The following MYO16 variants were observed in gnomAD, a reference collection of about 807,000 sequenced individuals.
MYO16 encodes the protein myosin XVI.
MYO16 carries 94 observed loss-of-function variants against 205.3 expected under a neutral mutation model. That is an observed-to-expected ratio of 0.46 (90% confidence interval 0.39 to 0.54). The LOEUF is 0.54. Ranked by LOEUF, MYO16 falls within the 20% of genes least tolerant of loss-of-function variation. The pLI, the probability that MYO16 is intolerant of heterozygous loss-of-function variation, is 0.00. For synonymous variants in MYO16, 988 were observed against 954.0 expected (o/e 1.04, Z -0.66); for missense variants, 2,315 against 2,387.5 (o/e 0.97, Z 0.63).
chr13:108,557,956 C>T, the MYO16 span, among the ~76,000 whole-genome samples: 383 of 152,138 alleles, frequency 2.5e-3, 2 homozygotes, highest in African/African-American at 8.3e-3. Flanking sequence ...TATATGTTAT[C>T]ACATAGTGAG....
intron 16 of MYO16, among the ~76,000 whole-genome samples, chr13:108,920,210 T>C (rs1188992029): frequency 1.3e-5 from 2 of 152,182 alleles, no homozygotes; most frequent in Non-Finnish European, 2.9e-5. Context: ...ATAAACCTGC[T>C]TCTGTGTCTG....
Position 109,127,484 on chromosome 13 carries a change from C to G in MYO16, c.3985C>G (p.Arg1329Gly), listed in dbSNP as rs747453615. 6.2e-7 allele frequency: 1 copy of G among 1,613,784 alleles called. No individual in the cohort carries two copies. The highest frequency in any genetic ancestry group is 2.2e-5 in the East Asian group (1 of 44,828). ...CAAGCCAAAGAGGGACCCCAACACC[C>G]GGCTGAGTGCTTCCTATGAGGCTGT... ...PPKPKRDPNT[R>G]LSASYEAVSA... The change falls in exon 31 of 35, where the codon CGG becomes GGG. Residue 1329 changes from arginine (R) to glycine (G), a missense_variant. This residue lies in a region of MYO16 where 1,097 missense variants were observed against 1,092.0 expected (regional missense o/e 1.00). Transcript: ENST00000457511. The surrounding 1 kb of genome is among the most constrained non-coding windows in gnomAD (Gnocchi z 4.2).
chr13:108,742,943 C>T (rs963784750), intron 4 of MYO16, among the ~76,000 whole-genome samples: 4 of 152,116 alleles, frequency 2.6e-5, no homozygotes, highest in African/African-American at 7.2e-5. Context: ...TTTTCTGATA[C>T]GATTTTAGAT....
intron 34 of MYO16, among the ~76,000 whole-genome samples, chr13:109,205,138 C>G (rs974061095): frequency 1.3e-5 from 2 of 152,160 alleles, no homozygotes; most frequent in Non-Finnish European, 2.9e-5. Context: ...ACTGAGTAAC[C>G]ATAGTCCTCT....
At chr13:108,616,149 T>G (rs1879342944) in intron 1 of MYO16, among the ~76,000 whole-genome samples, 1 of 152,236 alleles carries the variant, frequency 6.6e-6, no homozygotes, top group South Asian at 2.1e-4. Flanking sequence ...CTTCATTATC[T>G]TATCCAAGTC....
chr13:108,627,237 A>G (rs549815086), upstream of MYO16, among the ~76,000 whole-genome samples: 7 of 152,240 alleles, frequency 4.6e-5, no homozygotes, highest in African/African-American at 1.7e-4. Flanking sequence ...CAATGTTTAG[A>G]GCATGAGTAT....
chr13:108,685,410 G>C (rs2139480328), intron 2 of MYO16, among the ~76,000 whole-genome samples: 1 of 152,264 alleles, frequency 6.6e-6, no homozygotes, highest in South Asian at 2.1e-4. Context: ...AGTCTTGTGG[G>C]ACTGAGCCCT....
At chr13:109,009,887 A>G (rs542314015) in intron 22 of MYO16, among the ~76,000 whole-genome samples, 1 of 152,224 alleles carries the variant, frequency 6.6e-6, no homozygotes, top group South Asian at 2.1e-4. Context: ...AGTGACATAC[A>G]TAACCTATAA....
chr13:108,580,826 T>C, the MYO16 span, among the ~76,000 whole-genome samples: 1 of 152,188 alleles, frequency 6.6e-6, no homozygotes, highest in East Asian at 1.9e-4. Flanking sequence ...TAGAAGTCAG[T>C]TGAAAACTTC....
At chr13:108,916,936 C>CT (rs1483663842) in intron 16 of MYO16, among the ~76,000 whole-genome samples, 1 of 152,036 alleles carries the variant, frequency 6.6e-6, no homozygotes, top group Non-Finnish European at 1.5e-5. Context: ...ATTCCCAACT[C>CT]TAACACATTT....
At chr13:108,988,745 G>A (rs1247945603) in intron 20 of MYO16, among the ~76,000 whole-genome samples, 3 of 152,126 alleles carry the variant, frequency 2.0e-5, no homozygotes, top group African/African-American at 7.2e-5. Context: ...AAAACAATAT[G>A]CCATGATTAT....
rs879822469 is a variant in MYO16, at chr13:109,162,037, C to G, written c.5165-2864C>G. 2.6e-5 allele frequency among the ~76,000 whole-genome samples: 4 copies of G among 152,202 alleles called. No homozygotes were observed. The highest frequency in any genetic ancestry group is 5.9e-5 in the Non-Finnish European group (4 of 68,050). On this transcript the variant is annotated intron_variant, in intron 32 of 34. Coordinates refer to ENST00000457511, the MANE Select transcript of MYO16 (RefSeq NM_001198950.3). This position sits in a 1 kb window ranked among gnomAD's most constrained non-coding sequence, Gnocchi z 4.6. ...GGCAGAGGTTGCAGGGAGCTGAGAT[C>G]GTGCCACTGCCCTCCAGCCTGGGCA...
intron 31 of MYO16, among the ~76,000 whole-genome samples, chr13:109,132,328 C>T (rs1446114571): frequency 1.3e-5 from 2 of 152,210 alleles, no homozygotes; most frequent in East Asian, 3.9e-4. Flanking sequence ...CTTAATGAAA[C>T]CATAATTGTT....
At position 108,629,942 on chromosome 13, in the gene MYO16, A is replaced by G. The variant is rs182280230; in HGVS notation, c.28+70A>G. The G allele has an allele frequency of 3.9e-4, 545 of 1,398,320 alleles. 1 individual carries two copies. The African/African-American group carries it at 6.3e-3, about 16-fold the overall frequency. 86.6% of individuals were successfully genotyped at this position (1,398,320 alleles called of 1,614,324 possible). On this transcript the variant is annotated intron_variant, in intron 1 of 34. Transcript: ENST00000457511. ...GAAGTATTATTTTGTGCAGATGCCAAAATTAAGGCAGTTCTCCTGGTATAC... is the reference window on the plus strand; with the variant it reads ...GAAGTATTATTTTGTGCAGATGCCAGAATTAAGGCAGTTCTCCTGGTATAC...
chr13:109,046,079 C>T (rs1887036035), intron 23 of MYO16, among the ~76,000 whole-genome samples: 1 of 152,222 alleles, frequency 6.6e-6, no homozygotes, highest in African/African-American at 2.4e-5. Context: ...GGCTGATGCT[C>T]ACCCCCTTTC....
At chr13:109,093,661 C>A (rs1218757235) in intron 27 of MYO16, among the ~76,000 whole-genome samples, 1 of 152,162 alleles carries the variant, frequency 6.6e-6, no homozygotes, top group Non-Finnish European at 1.5e-5. Flanking sequence ...TCCTCTCTTC[C>A]TGTCGTAGCC....
intron 1 of MYO16, among the ~76,000 whole-genome samples, chr13:108,663,530 C>T (rs1475807018): frequency 1.3e-5 from 2 of 152,110 alleles, no homozygotes; most frequent in African/African-American, 4.8e-5. Context: ...AGATTTGAGA[C>T]ATGAATGGAC....
At chr13:108,966,609 A>G (rs1883800895) in intron 20 of MYO16, among the ~76,000 whole-genome samples, 1 of 152,174 alleles carries the variant, frequency 6.6e-6, no homozygotes, top group Non-Finnish European at 1.5e-5. Context: ...AAGCATATGA[A>G]TGAGAATAGA....
intron 1 of MYO16, among the ~76,000 whole-genome samples, chr13:108,621,620 C>T (rs536795556): frequency 9.9e-5 from 15 of 152,222 alleles, no homozygotes; most frequent in South Asian, 4.1e-4. Flanking sequence ...ATCCAGTCAT[C>T]GACATTGTCG....
Sources: gnomAD v4.1 joint callset for allele counts (sites outside exome capture counted in the v4.1 genomes callset) on GRCh38, gnomAD v4.1.1 for gene constraint, gnomAD v4.1.1 regional missense constraint, Gnocchi (gnomAD v3.1) non-coding constraint, MANE v1.5 for transcripts, NCBI Gene and HGNC (gene_info 2026-07-23, HGNC 2026-07-21) for gene names.